Variants in PFKFB3 observed in about 807,000 individuals in gnomAD.
The protein encoded by PFKFB3 is 6-phosphofructo-2-kinase/fructose-2,6-bisphosphatase 3.
In PFKFB3, 33 loss-of-function variants were observed where a neutral mutation model predicts 68.0. The observed-to-expected ratio is 0.49, with a 90% CI of 0.37 to 0.65. The LOEUF is 0.65. PFKFB3 is among the 30% of genes least tolerant of loss of function. The probability of loss-of-function intolerance (pLI) is 0.00; values close to 1 mark genes in which losing one functional copy is unlikely to be tolerated. For missense variants in PFKFB3, 586 were observed against 712.2 expected, an observed-to-expected ratio of 0.82 and a Z score of 2.02; for synonymous variants, 315 against 288.2, an observed-to-expected ratio of 1.09 and a Z score of -0.94.
At position 6,216,117 on chromosome 10, in the gene PFKFB3, C is replaced by T; in HGVS notation, c.300-8C>T. On this transcript the variant is annotated splice_region_variant and splice_polypyrimidine_tract_variant and intron_variant, in intron 3 of 14. Transcript: ENST00000379775. ...GCTGACATTCGGGCAATGTCTTGTGCATTCCAGGCAATGTGCCTTAGCTGC... is the reference window on the plus strand; with the variant it reads ...GCTGACATTCGGGCAATGTCTTGTGTATTCCAGGCAATGTGCCTTAGCTGC... 1.2e-6 allele frequency: 2 copies of T among 1,613,642 alleles called. No homozygotes were observed. The highest frequency in any genetic ancestry group is 8.5e-7 in the Non-Finnish European group (1 of 1,179,580).
At position 6,219,702 on chromosome 10, in the gene PFKFB3, C is replaced by T. The variant is rs773875336; in HGVS notation, c.623+9C>T. On this transcript the variant is annotated intron_variant, in intron 7 of 14. Transcript: ENST00000379775. The stretch of plus-strand genomic sequence containing the variant: ...CCCGACAAATGCGACAGGTGATTCC[C>T]GTGGCTGGCCGTCTCTGCAAGACCC... 37 of 1,612,424 alleles carry T rather than the reference C, an allele frequency of 2.3e-5. 1 individual carries two copies. Among genetic ancestry groups the T allele is most frequent in the South Asian group, 1.4e-4 (13 of 91,042 alleles).
At chr10:6,266,905 G>C in the PFKFB3 span, among the ~76,000 whole-genome samples, 2 of 152,270 alleles carry the variant, frequency 1.3e-5, no homozygotes, top group Non-Finnish European at 2.9e-5. Context: ...CTCACAGGGA[G>C]AATGCTGGCT....
chr10:6,206,948 TC>T lies in PFKFB3; in HGVS notation c.76+3614del, dbSNP rs571388647. Reference sequence around the variant, plus strand: ...GGCCAGGCAGAGACACTCCTCACTTTCCAGACTGGGCAGCCAGGCAGAGGGG... The same window carrying T: ...GGCCAGGCAGAGACACTCCTCACTTTCAGACTGGGCAGCCAGGCAGAGGGG... On this transcript the variant is annotated intron_variant, in intron 1 of 14. Coordinates refer to ENST00000379775, the MANE Select transcript of PFKFB3 (RefSeq NM_004566.4). Among the ~76,000 whole-genome samples the T allele has an allele frequency of 1.8e-4, 25 of 141,384 alleles. No homozygotes were observed. The South Asian group carries it at 3.6e-3, about 21-fold the overall frequency. 92.8% of individuals were successfully genotyped at this position (141,384 alleles called of 152,430 possible). A position where few individuals can be genotyped will look rare whatever the true frequency, so the allele number is the denominator to read the frequency against.
Position 6,217,178 on chromosome 10 carries a change from C to T in PFKFB3, c.485C>T (p.Ala162Val). 2 of 1,614,076 alleles carry T rather than the reference C, an allele frequency of 1.2e-6. No homozygotes were observed. Among genetic ancestry groups the T allele is most frequent in the Non-Finnish European group, 1.7e-6 (2 of 1,179,904 alleles). The change falls in exon 6 of 15, where the codon GCC becomes GTC. Residue 162 changes from alanine (A) to valine (V), a missense_variant. Physicochemically the swap from Ala to Val is moderately conservative, Grantham distance 64 (BLOSUM62 0). Transcript: ENST00000379775. ...GTGTGCGACGACCCTACAGTTGTGG[C>T]CTCCAATATCATGGTAAGACAGCCG... ...ESVCDDPTVVASNIMEVKISS... is the reference protein window; with the variant it reads ...ESVCDDPTVVVSNIMEVKISS...
At chr10:6,251,911 T>C (rs1005837920) in intron 14 of PFKFB3, among the ~76,000 whole-genome samples, 8 of 152,118 alleles carry the variant, frequency 5.3e-5, no homozygotes, top group Admixed American at 2.0e-4. Flanking sequence ...GAAATTGCAG[T>C]GAGCCAAGAT....
the PFKFB3 span, among the ~76,000 whole-genome samples, chr10:6,308,890 T>C: frequency 6.6e-6 from 1 of 152,204 alleles, no homozygotes; most frequent in Non-Finnish European, 1.5e-5. Context: ...TAAAGTAGTC[T>C]TGCCAAAAAG....
the PFKFB3 span, among the ~76,000 whole-genome samples, chr10:6,308,551 T>C: frequency 6.6e-6 from 1 of 152,108 alleles, no homozygotes; most frequent in Non-Finnish European, 1.5e-5. Flanking sequence ...AGAAAACAGC[T>C]TGAATGTACC....
At chr10:6,202,105 G>C (rs987912046), upstream of PFKFB3, among the ~76,000 whole-genome samples, 4 of 152,154 alleles carry the variant, frequency 2.6e-5, no homozygotes, top group Admixed American at 2.0e-4. Flanking sequence ...TCTTCTACTC[G>C]GGGCGATAAA....
chr10:6,308,669 A>G, the PFKFB3 span, among the ~76,000 whole-genome samples: 1 of 152,208 alleles, frequency 6.6e-6, no homozygotes, highest in Non-Finnish European at 1.5e-5. Context: ...TTTGCTGCCT[A>G]CAGTTAGGCT....
chr10:6,254,065 A>T, intron 14 of PFKFB3: 1 of 388,464 alleles, frequency 2.6e-6, no homozygotes, highest in Non-Finnish European at 4.5e-6. Flanking sequence ...TGAGGAATGG[A>T]GGGTCTTTTT....
chr10:6,177,249 G>A (rs779510989), intron 1 of PFKFB3, among the ~76,000 whole-genome samples: 52 of 152,328 alleles, frequency 3.4e-4, no homozygotes, highest in Admixed American at 1.3e-3. Context: ...CCTGCCTGCT[G>A]ACTGAAATGG....
intron 1 of PFKFB3, among the ~76,000 whole-genome samples, chr10:6,188,286 A>C (rs1439557502): frequency 6.6e-6 from 1 of 151,880 alleles, no homozygotes; most frequent in Non-Finnish European, 1.5e-5. Flanking sequence ...GCAAACTTCA[A>C]GTCTCACCAA....
At chr10:6,308,156 T>A in the PFKFB3 span, among the ~76,000 whole-genome samples, 3 of 152,246 alleles carry the variant, frequency 2.0e-5, no homozygotes, top group Non-Finnish European at 4.4e-5. Flanking sequence ...AGCATCATTG[T>A]TTGATTTGGA....
chr10:6,184,805 G>A (rs1209953607), intron 1 of PFKFB3, among the ~76,000 whole-genome samples: 1 of 128,256 alleles, frequency 7.8e-6, no homozygotes, highest in Non-Finnish European at 1.6e-5. Flanking sequence ...AGCGTGTTTA[G>A]CTGTGTTGCC....
chr10:6,152,592 G>A (rs923088611), intron 1 of PFKFB3, among the ~76,000 whole-genome samples: 1 of 152,202 alleles, frequency 6.6e-6, no homozygotes, highest in Non-Finnish European at 1.5e-5. Flanking sequence ...AGCGAGAAAT[G>A]TATGCCAGGT....
At chr10:6,222,191 T>TCAGGCCCCTG (rs1186005243) in intron 10 of PFKFB3, among the ~76,000 whole-genome samples, 3 of 152,120 alleles carry the variant, frequency 2.0e-5, no homozygotes, top group African/African-American at 7.2e-5. Flanking sequence ...GTGTCGTGCC[T>TCAGGCCCCTG]CAGGCCCCTG....
At chr10:6,307,733 A>G in the PFKFB3 span, among the ~76,000 whole-genome samples, 2 of 152,166 alleles carry the variant, frequency 1.3e-5, no homozygotes, top group South Asian at 4.1e-4. Flanking sequence ...ATCCTTGCAG[A>G]TGCATCCAGT....
the PFKFB3 span, among the ~76,000 whole-genome samples, chr10:6,313,109 G>T: frequency 0.022 from 3,290 of 152,292 alleles, 119 homozygotes; most frequent in African/African-American, 0.075. The surrounding 1 kb of genome is among the most constrained non-coding windows in gnomAD (Gnocchi z 4.2). Context: ...TAGCTTTAAC[G>T]TGAAACTGCT....
chr10:6,202,887 G>C (rs1046279990), upstream of PFKFB3: 7 of 1,078,664 alleles, frequency 6.5e-6, no homozygotes, highest in Non-Finnish European at 7.9e-6. Flanking sequence ...ACGCGTCTGC[G>C]GCCAGCCCGG....
Sources: allele counts gnomAD v4.1 joint callset (sites outside exome capture counted in the v4.1 genomes callset), GRCh38; gene constraint gnomAD v4.1.1; non-coding constraint Gnocchi (gnomAD v3.1); transcripts MANE v1.5; gene names NCBI Gene and HGNC (gene_info 2026-07-23, HGNC 2026-07-21).